Variants in COL17A1 observed in about 807,000 individuals in gnomAD.
The protein encoded by COL17A1 is collagen alpha-1(XVII) chain.
A neutral mutation model predicts 218.4 loss-of-function variants in COL17A1; 181 were observed. The observed-to-expected ratio is 0.83, with a 90% CI of 0.73 to 0.94. COL17A1 has a LOEUF of 0.94. COL17A1 is among the 40% of genes least tolerant of loss of function. The probability of loss-of-function intolerance (pLI) is 0.00; values close to 1 mark genes in which losing one functional copy is unlikely to be tolerated. For synonymous variants in COL17A1, 721 were observed against 731.0 expected, an observed-to-expected ratio of 0.99 and a Z score of 0.22; for missense variants, 1,924 against 1,945.9, an observed-to-expected ratio of 0.99 and a Z score of 0.21.
At chr10:104,075,965 C>T (rs750332487) in intron 5 of COL17A1, among the ~76,000 whole-genome samples, 17 of 152,230 alleles carry the variant, frequency 1.1e-4, no homozygotes, top group Non-Finnish European at 2.1e-4. Flanking sequence ...TATCTGTCAT[C>T]TTAACTTGTC....
chr10:104,081,975 G>A (rs1418052704), intron 1 of COL17A1, among the ~76,000 whole-genome samples: 1 of 152,180 alleles, frequency 6.6e-6, no homozygotes, highest in Admixed American at 6.5e-5. Flanking sequence ...TCTAGGGACC[G>A]TGAAAGTCAT....
chr10:104,037,893 G>T, intron 45 of COL17A1, 120 bp from the exon 46 acceptor site: 1 of 1,273,736 alleles, frequency 7.9e-7, no homozygotes, highest in Non-Finnish European at 1.1e-6. Context: ...GCCCAAGGCT[G>T]GGCCAGGAGG....
intron 30 of COL17A1, 64 bp downstream of exon 30, chr10:104,048,005 G>T: frequency 1.3e-6 from 2 of 1,588,464 alleles, no homozygotes; most frequent in Non-Finnish European, 1.7e-6. Context: ...GGGGACTGAG[G>T]GCTGCATGCT....
At chr10:104,055,526 T>TAG in intron 18 of COL17A1, 125 bp from the exon 19 acceptor site, 1 of 1,449,534 alleles carries the variant, frequency 6.9e-7, no homozygotes, top group African/African-American at 1.4e-5. Flanking sequence ...AGGCAAAGAC[T>TAG]AGAGATCAGA....
rs745691140 is a variant in COL17A1, at chr10:104,060,257, C to T, written c.1003G>A (p.Asp335Asn). 2.9e-5 allele frequency: 47 copies of T among 1,613,922 alleles called. No individual in the cohort carries two copies. In the Admixed American group the frequency reaches 4.7e-4, roughly 16 times the overall value. ...TTGCAGTCCTTGTGCAAAAGGTCAT[C>T]GCTCTGCACACTTGTGGTGCAGGCT... ...SAACTTSVQS[D>N]DLLHKDCKFL... The change falls in exon 14 of 56, where the codon GAT becomes AAT. Residue 335 changes from aspartate to asparagine, a missense_variant. Coordinates refer to ENST00000648076, the MANE Select transcript of COL17A1 (RefSeq NM_000494.4).
intron 30 of COL17A1, 111 bp from the exon 31 acceptor site, chr10:104,047,921 T>C (rs901646952): frequency 7.3e-7 from 1 of 1,370,484 alleles, no homozygotes; most frequent in Non-Finnish European, 1.0e-6. Context: ...TGCTGGCAGG[T>C]GGAAAGGAGA....
chr10:104,052,120 G>T (rs2086475458), intron 24 of COL17A1, 35 bp downstream of exon 24: 2 of 1,613,948 alleles, frequency 1.2e-6, no homozygotes, highest in Non-Finnish European at 1.7e-6. Flanking sequence ...TTCTCCTCTG[G>T]AAAACTTTGA....
Position 104,055,913 on chromosome 10 carries a change from A to G in COL17A1, c.1556T>C (p.Ile519Thr), listed in dbSNP as rs769013827. 1.9e-6 allele frequency: 3 copies of G among 1,613,990 alleles called. No individual in the cohort carries two copies. Among genetic ancestry groups the G allele is most frequent in the South Asian group, 1.1e-5 (1 of 91,066 alleles). Reference sequence around the variant, plus strand: ...CATGCCCTGGAGGCGGTCCTTTTCTATTCTATCCATGCTGTCCCCATAGGG... The same window carrying G: ...CATGCCCTGGAGGCGGTCCTTTTCTGTTCTATCCATGCTGTCCCCATAGGG... ...ILPYGDSMDRIEKDRLQGMAP... is the reference protein window; with the variant it reads ...ILPYGDSMDRTEKDRLQGMAP... Residue 519 changes from isoleucine (I) to threonine (T), a missense_variant, in exon 18 of 56, where the codon ATA becomes ACA. Physicochemically the swap from Ile to Thr is moderately conservative, Grantham distance 89. Transcript: ENST00000648076.
chr10:104,056,516 A>C (rs12267001), intron 17 of COL17A1, among the ~76,000 whole-genome samples: 19,593 of 151,940 alleles, frequency 0.13, 1,376 homozygotes, highest in Middle Eastern at 0.19. Flanking sequence ...CAGGAGGCGG[A>C]GGTTGCAGTG....
rs541310590 is a variant in COL17A1 at position 104,078,941 on chromosome 10, C to T, written c.53-355G>A. Among the ~76,000 whole-genome samples, 4 of 152,360 alleles carry T rather than the reference C, an allele frequency of 2.6e-5. No individual in the cohort carries two copies. In the South Asian group the frequency reaches 8.3e-4, roughly 32 times the overall value. On this transcript the variant is annotated intron_variant, in intron 2 of 55. Transcript: ENST00000648076. Reference sequence around the variant, plus strand: ...GACCAGGCCCTCTTGTCTCAAGTCACTCCGTTTCTCTGCATTTCTCCTTCC... The same window carrying T: ...GACCAGGCCCTCTTGTCTCAAGTCATTCCGTTTCTCTGCATTTCTCCTTCC...
chr10:104,035,927 T>TGTGTATGGGA (rs1468126141), intron 48 of COL17A1, among the ~76,000 whole-genome samples: 1 of 50,970 alleles, frequency 2.0e-5, no homozygotes, highest in Non-Finnish European at 5.4e-5. Flanking sequence ...TATGAGTGTG[T>TGTGTATGGGA]GTGTATGGGA....
rs772321699 is a variant in COL17A1 at position 104,034,614 on chromosome 10, C to T, written c.3766+7G>A. 59 of 1,608,794 alleles carry T rather than the reference C, an allele frequency of 3.7e-5. No individual in the cohort carries two copies. The highest frequency in any genetic ancestry group is 4.8e-5 in the Non-Finnish European group (57 of 1,177,750). On this transcript the variant is annotated splice_region_variant and intron_variant, in intron 51 of 55. Coordinates refer to ENST00000648076, the MANE Select transcript of COL17A1 (RefSeq NM_000494.4). ...GCCTGGTGGGGCATCACCGTCGGGG[C>T]ACCTACTTGTGAGGTAGCTGATCAG...
rs1401341062 is a variant in COL17A1 at position 104,037,738 on chromosome 10, C to A, written c.3106G>T (p.Gly1036Cys). 1.9e-6 allele frequency: 3 copies of A among 1,614,110 alleles called. No individual in the cohort carries two copies. The East Asian group carries it at 6.7e-5, about 36-fold the overall frequency. Residue 1036 changes from glycine (G) to cysteine (C), a missense_variant, in exon 46 of 56, where the codon GGT (glycine) becomes TGT (cysteine). Transcript: ENST00000648076. The stretch of plus-strand genomic sequence containing the variant: ...GGGGGACCAGGTGGGCCTGGGGGAC[C>A]CTGAACTCCGGATAGGTAAGATCTA... ...SIRSYLSGVQ[G>C]PPGPPGPPGP... is the part of the protein sequence containing the mutation.
chr10:104,060,181 A>C lies in COL17A1; in HGVS notation c.1079T>G (p.Leu360Arg). ...DNTPAKKEME[L>R]LIMTKDSGKV... is the part of the protein sequence containing the mutation. Reference sequence around the variant, plus strand: ...CCCGCTGTCCTTGGTCATGATGAGCAGCTCCATCTCCTTCTTGGCAGGTGT... The same window carrying C: ...CCCGCTGTCCTTGGTCATGATGAGCCGCTCCATCTCCTTCTTGGCAGGTGT... The change falls in exon 14 of 56, where the codon CTG becomes CGG. Residue 360 changes from leucine (L) to arginine (R), a missense_variant. Transcript: ENST00000648076. 1 of 1,614,180 alleles carries C rather than the reference A, an allele frequency of 6.2e-7. No homozygotes were observed. Among genetic ancestry groups the C allele is most frequent in the Non-Finnish European group, 8.5e-7 (1 of 1,180,026 alleles).
intron 33 of COL17A1, among the ~76,000 whole-genome samples, chr10:104,044,731 G>C (rs1334863875): frequency 6.6e-6 from 1 of 152,074 alleles, no homozygotes; most frequent in African/African-American, 2.4e-5. Flanking sequence ...TGTTGTCCAG[G>C]CAGGGTCTGA....
intron 1 of COL17A1, among the ~76,000 whole-genome samples, chr10:104,081,803 C>T (rs2086767037): frequency 6.6e-6 from 1 of 152,108 alleles, no homozygotes; most frequent in Non-Finnish European, 1.5e-5. Context: ...GTGCCTAGGC[C>T]CACAGCACAT....
Position 104,064,525 on chromosome 10 carries a change from C to T in COL17A1, c.679G>A (p.Ala227Thr), listed in dbSNP as rs753380251. 47 of 1,613,962 alleles carry T rather than the reference C, an allele frequency of 2.9e-5. No individual in the cohort carries two copies. Among genetic ancestry groups the T allele is most frequent in the African/African-American group, 6.7e-5 (5 of 74,910 alleles). Residue 227 changes from alanine to threonine, a missense_variant, in exon 10 of 56, where the codon GCG (alanine) becomes ACG (threonine). Ala to Thr is a moderately conservative substitution (Grantham distance 58, BLOSUM62 0). Coordinates refer to ENST00000648076, the MANE Select transcript of COL17A1 (RefSeq NM_000494.4). ...TGATAGGTCCCCATGGAGGACCCCG[C>T]GGGCAGGGTGGAGGACCACACATGG... ...PSHVWSSTLP[A>T]GSSMGTYHNN...
intron 27 of COL17A1, 30 bp downstream of exon 27, chr10:104,050,591 G>T: frequency 6.2e-7 from 1 of 1,612,664 alleles, no homozygotes; most frequent in Non-Finnish European, 8.5e-7. Flanking sequence ...GCAGGCCCTG[G>T]TAATGACAGA....
rs758854385 is a variant in COL17A1 at position 104,080,630 on chromosome 10, G to A, written c.44C>T (p.Thr15Ile). ...KKNKRDGTEV[T>I]ERIVTETVTT... ...AATTCTGATGCTCTTACTTCTCTCAGTGACTTCAGTTCCATCTCGTTTGTT... is the reference window on the plus strand; with the variant it reads ...AATTCTGATGCTCTTACTTCTCTCAATGACTTCAGTTCCATCTCGTTTGTT... The change falls in exon 2 of 56, where the codon ACT becomes ATT. Residue 15 changes from threonine to isoleucine, a missense_variant. By Grantham distance (89) the Thr-to-Ile change is moderately conservative. Coordinates refer to ENST00000648076, the MANE Select transcript of COL17A1 (RefSeq NM_000494.4). 29 of 1,612,764 alleles carry A rather than the reference G, an allele frequency of 1.8e-5. No individual in the cohort carries two copies. The highest frequency in any genetic ancestry group is 2.5e-5 in the Non-Finnish European group (29 of 1,179,948).
Sources: gnomAD v4.1 joint callset for allele counts (sites outside exome capture counted in the v4.1 genomes callset) on GRCh38, gnomAD v4.1.1 for gene constraint, MANE v1.5 for transcripts, NCBI Gene and HGNC (gene_info 2026-07-23, HGNC 2026-07-21) for gene names.